PLXDC1: variants seen among roughly 807,000 people sequenced by gnomAD.
PLXDC1 encodes the protein plexin domain containing 1, also known as plexin domain-containing protein 1.
A neutral mutation model predicts 61.3 loss-of-function variants in PLXDC1; 39 were observed. The observed-to-expected ratio is 0.64, with a 90% CI of 0.49 to 0.83. The LOEUF (loss-of-function observed/expected upper bound fraction) is 0.83, where lower values mean the gene tolerates loss of function less well. Among genes scored for constraint, PLXDC1 ranks in the 40% least tolerant of loss-of-function variants. The pLI is 0.00. For missense variants in PLXDC1, 596 were observed against 666.5 expected, an observed-to-expected ratio of 0.89 and a Z score of 1.17; for synonymous variants, 212 against 254.5, an observed-to-expected ratio of 0.83 and a Z score of 1.59.
Position 39,151,574 on chromosome 17 carries a change from G to A in PLXDC1, c.-137C>T. On this transcript the variant is annotated 5_prime_UTR_variant, in exon 1 of 14. Coordinates refer to ENST00000315392, the MANE Select transcript of PLXDC1 (RefSeq NM_020405.5). The surrounding 1 kb of genome is among the most constrained non-coding windows in gnomAD (Gnocchi z 5.2). ...CGGCGAGGAGACGGCGGAGCGCGGGGCCGGGCGAGCCGGCAGGAGCGGCGA... is the reference window on the plus strand; with the variant it reads ...CGGCGAGGAGACGGCGGAGCGCGGGACCGGGCGAGCCGGCAGGAGCGGCGA... 1 of 1,183,122 alleles carries A rather than the reference G, an allele frequency of 8.5e-7. No individual in the cohort carries two copies. The highest frequency in any genetic ancestry group is 1.0e-6 in the Non-Finnish European group (1 of 956,492). The allele number at this position is 1,183,122 out of a possible 1,614,324, so 73.3% of individuals were successfully genotyped here.
chr17:39,138,028 G>C (rs901780441), intron 2 of PLXDC1, among the ~76,000 whole-genome samples: 1 of 152,148 alleles, frequency 6.6e-6, no homozygotes, highest in Non-Finnish European at 1.5e-5. Flanking sequence ...GACCGCCCAG[G>C]CTCAAGCAAT....
chr17:39,077,845 G>T, intron 11 of PLXDC1, 68 bp downstream of exon 11: 13 of 1,544,342 alleles, frequency 8.4e-6, no homozygotes, highest in African/African-American at 1.4e-5. Flanking sequence ...CAGAGAGGGG[G>T]CCCCAGAGGG....
intron 4 of PLXDC1, among the ~76,000 whole-genome samples, chr17:39,108,536 G>A (rs1052230951): frequency 1.3e-5 from 2 of 152,170 alleles, no homozygotes; most frequent in African/African-American, 4.8e-5. Context: ...GTGGGATGTG[G>A]AACTGAAGTG....
intron 1 of PLXDC1, among the ~76,000 whole-genome samples, chr17:39,142,867 G>T (rs1216775707): frequency 1.3e-5 from 2 of 152,168 alleles, no homozygotes; most frequent in Admixed American, 6.5e-5. Context: ...GCCGGGCGTG[G>T]TGGCTCACAC....
At chr17:39,139,610 C>T in intron 2 of PLXDC1, 44 bp downstream of exon 2, 1 of 1,527,430 alleles carries the variant, frequency 6.5e-7, no homozygotes, top group Non-Finnish European at 9.0e-7. Context: ...TGAGACCTCC[C>T]CCACCCCCAC....
intron 8 of PLXDC1, 60 bp from the exon 9 acceptor site, chr17:39,083,600 G>A (rs1909641531): frequency 7.8e-7 from 1 of 1,278,196 alleles, no homozygotes; most frequent in Admixed American, 1.9e-5. Context: ...TCCAAAGGGT[G>A]CAACTCTGAA....
intron 8 of PLXDC1, among the ~76,000 whole-genome samples, chr17:39,083,976 C>T (rs1400980311): frequency 6.6e-6 from 1 of 152,154 alleles, no homozygotes; most frequent in Non-Finnish European, 1.5e-5. Context: ...GCTGGGGATT[C>T]AGCAGTGAGA....
At chr17:39,107,870 T>G in intron 5 of PLXDC1, 1 of 576,348 alleles carries the variant, frequency 1.7e-6, no homozygotes. Context: ...TAAGTAACAA[T>G]AAAGGCCCCT....
intron 2 of PLXDC1, among the ~76,000 whole-genome samples, chr17:39,122,749 C>G (rs1428027581): frequency 6.6e-6 from 1 of 152,208 alleles, no homozygotes; most frequent in Non-Finnish European, 1.5e-5. Flanking sequence ...GCAAGTCCAC[C>G]AAATGGAATG....
chr17:39,088,605 C>G (rs1303360143), intron 7 of PLXDC1, among the ~76,000 whole-genome samples: 2 of 152,024 alleles, frequency 1.3e-5, no homozygotes, highest in Non-Finnish European at 2.9e-5. Context: ...CGATACCCAC[C>G]CAGGAACCAT....
intron 1 of PLXDC1, among the ~76,000 whole-genome samples, chr17:39,142,966 C>G (rs1475710139): frequency 6.6e-6 from 1 of 151,918 alleles, no homozygotes; most frequent in Admixed American, 6.6e-5. Context: ...GACGAAACCC[C>G]GTCTCTACTA....
chr17:39,077,419 CA>C (rs544970959), intron 11 of PLXDC1, among the ~76,000 whole-genome samples: 15 of 152,146 alleles, frequency 9.9e-5, no homozygotes, highest in Admixed American at 2.0e-4. Context: ...GGTGGATGGA[CA>C]GCTGAGGTGG....
rs1385723972 is a variant in PLXDC1 at position 39,118,080 on chromosome 17, CCCTCCCTTCCTT to C, written c.256-8701_256-8690del. Among the ~76,000 whole-genome samples, 706 of 90,074 alleles carry C rather than the reference CCCTCCCTTCCTT, an allele frequency of 7.8e-3. 1 individual carries two copies. Among genetic ancestry groups the C allele is most frequent in the African/African-American group, 0.016 (391 of 24,108 alleles). The allele number at this position is 90,074 out of a possible 152,430, so 59.1% of individuals were successfully genotyped here. Reference sequence around the variant, plus strand: ...GAATTCCTTCCCTCCCTCCCTCCCTCCCTCCCTTCCTTCCTTCCTTCCTTCCTTCCTCTCTCT... The same window carrying C: ...GAATTCCTTCCCTCCCTCCCTCCCTCCCTTCCTTCCTTCCTTCCTCTCTCT... On this transcript the variant is annotated intron_variant, in intron 2 of 13. Transcript: ENST00000315392.
intron 2 of PLXDC1, among the ~76,000 whole-genome samples, chr17:39,123,694 G>C (rs776501534): frequency 6.6e-6 from 1 of 152,192 alleles, no homozygotes; most frequent in Non-Finnish European, 1.5e-5. Context: ...AACGTCAGCA[G>C]TTACAGTATT....
At chr17:39,129,210 C>T (rs1224759478) in intron 2 of PLXDC1, among the ~76,000 whole-genome samples, 6 of 151,374 alleles carry the variant, frequency 4.0e-5, no homozygotes, top group South Asian at 2.1e-4. Flanking sequence ...CCCAGCTACT[C>T]GGGAGGCTGA....
At chr17:39,137,352 T>G (rs1911787800) in intron 2 of PLXDC1, 1 of 152,172 alleles carries the variant, frequency 6.6e-6, no homozygotes, top group South Asian at 2.1e-4. Context: ...GTCAGGAGTT[T>G]GAGACCAGCC....
At chr17:39,083,908 G>A (rs1420882086) in intron 8 of PLXDC1, among the ~76,000 whole-genome samples, 3 of 151,250 alleles carry the variant, frequency 2.0e-5, no homozygotes, top group Admixed American at 6.6e-5. Flanking sequence ...TGCCTCCCTC[G>A]CTTCCTCCCT....
At chr17:39,149,847 A>G (rs1239566078) in intron 1 of PLXDC1, among the ~76,000 whole-genome samples, 1 of 152,218 alleles carries the variant, frequency 6.6e-6, no homozygotes. Flanking sequence ...CCCAGAGTTC[A>G]GAAGATCACA....
At chr17:39,135,294 G>A (rs1445727121) in intron 2 of PLXDC1, among the ~76,000 whole-genome samples, 1 of 152,186 alleles carries the variant, frequency 6.6e-6, no homozygotes, top group Non-Finnish European at 1.5e-5. Context: ...GCTGCAGAGG[G>A]GATCACAAAG....
Sources: gnomAD v4.1 joint callset for allele counts (sites outside exome capture counted in the v4.1 genomes callset) on GRCh38, gnomAD v4.1.1 for gene constraint, Gnocchi (gnomAD v3.1) non-coding constraint, MANE v1.5 for transcripts, NCBI Gene and HGNC (gene_info 2026-07-23, HGNC 2026-07-21) for gene names.